EYS: variants seen among roughly 807,000 people sequenced by gnomAD.
EYS encodes the protein EGF-like photoreceptor maintenance factor, also known as protein eyes shut homolog.
A neutral mutation model predicts 282.1 loss-of-function variants in EYS; 250 were observed. The observed-to-expected ratio is 0.89, with a 90% CI of 0.80 to 0.98. The LOEUF (loss-of-function observed/expected upper bound fraction) is 0.98, where lower values mean the gene tolerates loss of function less well. EYS is among the 50% of genes least tolerant of loss of function. The pLI, the probability that EYS is intolerant of heterozygous loss-of-function variation, is 0.00. For missense variants in EYS, 4,016 were observed against 3,709.0 expected, an observed-to-expected ratio of 1.08 and a Z score of -2.15; for synonymous variants, 1,355 against 1,282.9, an observed-to-expected ratio of 1.06 and a Z score of -1.20.
intron 19 of EYS, among the ~76,000 whole-genome samples, chr6:64,834,803 G>T (rs1400808580): frequency 6.6e-6 from 1 of 151,650 alleles, no homozygotes; most frequent in Non-Finnish European, 1.5e-5. Flanking sequence ...TTTCTATGTT[G>T]TATGTTTTGA....
At chr6:64,831,421 T>C (rs1471830985) in intron 19 of EYS, among the ~76,000 whole-genome samples, 2 of 151,994 alleles carry the variant, frequency 1.3e-5, no homozygotes, top group East Asian at 3.9e-4. Context: ...TAGAATATTA[T>C]ATCTGTTTTC....
Position 64,084,202 on chromosome 6 carries a change from A to G in EYS, c.6425-2200T>C, listed in dbSNP as rs905357492. On this transcript the variant is annotated intron_variant, in intron 31 of 42. Transcript: ENST00000503581. ...ATTCAATCTTTGGAAACCTTTGTCA[A>G]CTGCCACGCCTAGGATTTGCAGCCA... 3.9e-5 allele frequency among the ~76,000 whole-genome samples: 6 copies of G among 152,360 alleles called. No individual in the cohort carries two copies. In the East Asian group the frequency reaches 1.2e-3, roughly 29 times the overall value.
At chr6:64,692,152 C>T (rs1393481559) in intron 22 of EYS, among the ~76,000 whole-genome samples, 1 of 152,170 alleles carries the variant, frequency 6.6e-6, no homozygotes, top group Non-Finnish European at 1.5e-5. Context: ...TCCATAGCCT[C>T]ACTAGCATCT....
At chr6:65,070,452 C>T (rs1471139226) in intron 12 of EYS, among the ~76,000 whole-genome samples, 1 of 151,852 alleles carries the variant, frequency 6.6e-6, no homozygotes, top group Non-Finnish European at 1.5e-5. Flanking sequence ...CTGTTGGACT[C>T]TACTCATAAC....
chr6:65,706,426 C>T (rs1468762553), intron 1 of EYS, among the ~76,000 whole-genome samples: 3 of 151,766 alleles, frequency 2.0e-5, no homozygotes, highest in Non-Finnish European at 2.9e-5. Context: ...CTTATTGAAC[C>T]ATAAATCTCC....
At chr6:64,611,520 A>C (rs971685624) in intron 24 of EYS, among the ~76,000 whole-genome samples, 3 of 152,106 alleles carry the variant, frequency 2.0e-5, no homozygotes, top group African/African-American at 7.2e-5. Flanking sequence ...ATTATCCCAC[A>C]CATTATTTGT....
At chr6:64,710,202 G>A (rs1771160109) in intron 22 of EYS, among the ~76,000 whole-genome samples, 1 of 152,162 alleles carries the variant, frequency 6.6e-6, no homozygotes, top group African/African-American at 2.4e-5. Flanking sequence ...AGGTTAGACA[G>A]GTAAGAATTA....
chr6:65,361,452 T>A (rs958050537), intron 8 of EYS, among the ~76,000 whole-genome samples: 6 of 151,598 alleles, frequency 4.0e-5, no homozygotes, highest in African/African-American at 1.5e-4. Context: ...TTCTTTCTCT[T>A]TTTTTTTCTT....
intron 35 of EYS, among the ~76,000 whole-genome samples, chr6:63,959,502 C>T (rs1312031991): frequency 6.6e-6 from 1 of 152,088 alleles, no homozygotes; most frequent in African/African-American, 2.4e-5. Flanking sequence ...CCCAGCAATC[C>T]CATTATTGGG....
In EYS at chr6:65,002,625, A is replaced by C. The variant is rs189608099; in HGVS notation, c.2138-4922T>G. ...TTTGAGTTAAATCCTACTGTTTCTA[A>C]ATAAAAAGACAATAACATAACTTTC... is the stretch of plus-strand genomic sequence containing the variant. On this transcript the variant is annotated intron_variant, in intron 13 of 42. Coordinates refer to ENST00000503581, the MANE Select transcript of EYS (RefSeq NM_001142800.2). Among the ~76,000 whole-genome samples the C allele has an allele frequency of 2.0e-3, 296 of 147,764 alleles. 29 individuals are homozygous for C. Among genetic ancestry groups the C allele is most frequent in the Admixed American group, 4.1e-3 (61 of 14,860 alleles).
rs371703389 is a variant in EYS, at chr6:65,560,209, A to T, written c.-332-64216T>A. Reference sequence around the variant, plus strand: ...AATAATAATATTTATACTTATATTTATATTATAAAATATAATTATAATATA... The same window carrying T: ...AATAATAATATTTATACTTATATTTTTATTATAAAATATAATTATAATATA... On this transcript the variant is annotated intron_variant, in intron 2 of 42. Transcript: ENST00000503581. Among the ~76,000 whole-genome samples, 199 of 117,458 alleles carry T rather than the reference A, an allele frequency of 1.7e-3. 4 individuals are homozygous for T. The South Asian group carries it at 0.028, about 17-fold the overall frequency. The allele number at this position is 117,458 out of a possible 152,430, so 77.1% of individuals were successfully genotyped here.
intron 22 of EYS, among the ~76,000 whole-genome samples, chr6:64,741,194 G>A (rs1287303201): frequency 6.6e-6 from 1 of 152,108 alleles, no homozygotes; most frequent in Admixed American, 6.5e-5. Flanking sequence ...CAGAAGGGAA[G>A]TTACGTTAGC....
intron 11 of EYS, among the ~76,000 whole-genome samples, chr6:65,309,282 A>G (rs1769092286): frequency 6.6e-6 from 1 of 152,250 alleles, no homozygotes; most frequent in African/African-American, 2.4e-5. Context: ...GCACCCATAC[A>G]CTTCCTTAGA....
intron 24 of EYS, among the ~76,000 whole-genome samples, chr6:64,610,948 T>C (rs1370242864): frequency 6.6e-6 from 1 of 152,088 alleles, no homozygotes; most frequent in Non-Finnish European, 1.5e-5. Flanking sequence ...TGCTTAGAAA[T>C]GCTCAGAACA....
At chr6:64,549,186 T>C (rs1196658827) in intron 26 of EYS, among the ~76,000 whole-genome samples, 2 of 152,184 alleles carry the variant, frequency 1.3e-5, no homozygotes, top group African/African-American at 2.4e-5. Flanking sequence ...TCAAAGCAGA[T>C]TCTCACACAC....
intron 30 of EYS, among the ~76,000 whole-genome samples, chr6:64,249,453 A>C (rs1767133405): frequency 6.6e-6 from 1 of 152,192 alleles, no homozygotes; most frequent in Non-Finnish European, 1.5e-5. Flanking sequence ...CAAGTGATGG[A>C]TATTCCAAAA....
At chr6:64,457,297 G>A (rs1271990601) in intron 26 of EYS, among the ~76,000 whole-genome samples, 1 of 151,918 alleles carries the variant, frequency 6.6e-6, no homozygotes, top group African/African-American at 2.4e-5. Context: ...ATCTATCCTA[G>A]AGAATGTTTT....
intron 26 of EYS, among the ~76,000 whole-genome samples, chr6:64,442,323 G>T (rs886129789): frequency 6.6e-6 from 1 of 152,294 alleles, no homozygotes. Flanking sequence ...ACATTCAAGA[G>T]GTGACTTGGG....
intron 12 of EYS, among the ~76,000 whole-genome samples, chr6:65,107,004 G>A (rs968946005): frequency 1.3e-5 from 2 of 151,908 alleles, no homozygotes; most frequent in East Asian, 1.9e-4. Flanking sequence ...CCTCACCCCC[G>A]CTCCTCCCAG....
Sources: allele counts gnomAD v4.1 joint callset (sites outside exome capture counted in the v4.1 genomes callset), GRCh38; gene constraint gnomAD v4.1.1; transcripts MANE v1.5; gene names NCBI Gene and HGNC (gene_info 2026-07-23, HGNC 2026-07-21).